Variants in CEP104 observed in about 807,000 individuals in gnomAD.
The protein encoded by CEP104 is centrosomal protein 104, also known as centrosomal protein of 104 kDa.
CEP104 carries 84 observed loss-of-function variants against 113.3 expected under a neutral mutation model. The ratio of observed to expected loss-of-function variants is 0.74; its 90% CI spans 0.62 to 0.89. The LOEUF is 0.89. Among genes scored for constraint, CEP104 ranks in the 40% least tolerant of loss-of-function variants. The pLI is 0.00. For synonymous variants in CEP104, 378 were observed against 421.7 expected (o/e 0.90, Z 1.27); for missense variants, 1,053 against 1,156.6 (o/e 0.91, Z 1.30).
chr1:3,819,336 G>A lies in CEP104; in HGVS notation c.2572-2966C>T, dbSNP rs760149232. Among the ~76,000 whole-genome samples, 6 of 152,230 alleles carry A rather than the reference G, an allele frequency of 3.9e-5. No individual in the cohort carries two copies. The highest frequency in any genetic ancestry group is 1.4e-4 in the African/African-American group (6 of 41,550). ...AGAGGGGGCTGGGGAGAAAAGGGGC[G>A]GCATGTAGGCAGTGTTGTCTTTTGG... On this transcript the variant is annotated intron_variant, in intron 20 of 21. Coordinates refer to ENST00000378230, the MANE Select transcript of CEP104 (RefSeq NM_014704.4). The surrounding 1 kb of genome is among the most constrained non-coding windows in gnomAD (Gnocchi z 4.6).
At chr1:3,834,155 A>G in intron 11 of CEP104, 120 bp from the exon 12 acceptor site, 1 of 817,904 alleles carries the variant, frequency 1.2e-6, no homozygotes, top group South Asian at 1.7e-5. Flanking sequence ...TCTCGTCTGA[A>G]AGGCTGAAAA....
chr1:3,826,267 G>C lies in CEP104; in HGVS notation c.2255+103C>G. The stretch of plus-strand genomic sequence containing the variant: ...AGGCACATTTCCTACCTTTTATGAT[G>C]ACTACGAAGGGCCAACTAGGGAGGA... On this transcript the variant is annotated intron_variant, in intron 17 of 21. Transcript: ENST00000378230. 3 of 938,042 alleles carry C rather than the reference G, an allele frequency of 3.2e-6. No homozygotes were observed. The Admixed American group carries it at 5.8e-5, about 18-fold the overall frequency. 58.1% of individuals were successfully genotyped at this position (938,042 alleles called of 1,614,324 possible).
At chr1:3,826,795 A>C in intron 15 of CEP104, 51 bp from the exon 16 acceptor site, 1 of 1,526,220 alleles carries the variant, frequency 6.6e-7, no homozygotes. Flanking sequence ...AGTGTGAGTG[A>C]GTGAGAGCCT....
intron 18 of CEP104, among the ~76,000 whole-genome samples, chr1:3,824,821 G>T (rs117989865): frequency 0.024 from 3,109 of 128,858 alleles, 59 homozygotes; most frequent in East Asian, 0.11. Context: ...GCAGTGGCAC[G>T]GTGGGAAGGG....
chr1:3,851,650 C>T (rs1644613121), intron 2 of CEP104, among the ~76,000 whole-genome samples: 1 of 152,114 alleles, frequency 6.6e-6, no homozygotes, highest in South Asian at 2.1e-4. Flanking sequence ...GCAAAACACT[C>T]ATCTAATGAA....
chr1:3,843,108 C>T (rs1043618329), intron 6 of CEP104: 1 of 619,142 alleles, frequency 1.6e-6, no homozygotes, highest in Admixed American at 2.9e-5. Flanking sequence ...TTCAATTCCT[C>T]TTTTTTTCTC....
In CEP104 at chr1:3,823,174, C is replaced by T. The variant is rs947035759; in HGVS notation, c.2571G>A (p.Glu857=). Residue 857 remains glutamate (E), a splice_region_variant and synonymous_variant, in exon 20 of 22, where the codon GAG becomes GAA. Transcript: ENST00000378230. The surrounding 1 kb of genome is among the most constrained non-coding windows in gnomAD (Gnocchi z 4.1). ...GGTCCCTTCTCCCCAGGCCCCTCACCTCTTCTCCAGGGCTGAAGTTCTCAT... is the reference window on the plus strand; with the variant it reads ...GGTCCCTTCTCCCCAGGCCCCTCACTTCTTCTCCAGGGCTGAAGTTCTCAT... The part of the protein sequence containing the change: ...LCHENFSPGE[E]AWKAHLMGPA... 5 of 1,614,118 alleles carry T rather than the reference C, an allele frequency of 3.1e-6. No homozygotes were observed. Among genetic ancestry groups the T allele is most frequent in the Non-Finnish European group, 4.2e-6 (5 of 1,180,010 alleles).
At position 3,839,690 on chromosome 1, in the gene CEP104, T is replaced by C; in HGVS notation, c.653A>G (p.Asp218Gly). 6.2e-7 allele frequency: 1 copy of C among 1,614,170 alleles called. No individual in the cohort carries two copies. The highest frequency in any genetic ancestry group is 8.5e-7 in the Non-Finnish European group (1 of 1,180,008). ...TTGGACAGCTTCCCGTTTTCTTTCA[T>C]CTAATTTTCGTATGATCTGTGCAAC... Reference protein sequence around the residue: ...PEVAQIIRKLDERKREAVQKE... With the variant: ...PEVAQIIRKLGERKREAVQKE... Residue 218 changes from aspartate to glycine, a missense_variant, in exon 7 of 22, where the codon GAT becomes GGT. Asp to Gly is a moderately conservative substitution (Grantham distance 94). Coordinates refer to ENST00000378230, the MANE Select transcript of CEP104 (RefSeq NM_014704.4).
intron 4 of CEP104, 21 bp downstream of exon 4, chr1:3,847,454 G>A: frequency 6.4e-7 from 1 of 1,555,634 alleles, no homozygotes; most frequent in Non-Finnish European, 8.7e-7. Context: ...AGAATCAAAG[G>A]CGAAGCTGCA....
intron 6 of CEP104, among the ~76,000 whole-genome samples, chr1:3,842,401 C>T (rs1294781827): frequency 6.6e-6 from 1 of 152,132 alleles, no homozygotes; most frequent in Non-Finnish European, 1.5e-5. Flanking sequence ...TTTTTATAGA[C>T]ATTACATGAA....
chr1:3,850,937 C>T (rs369081934), intron 2 of CEP104, among the ~76,000 whole-genome samples: 21 of 152,340 alleles, frequency 1.4e-4, no homozygotes, highest in South Asian at 6.2e-4. Flanking sequence ...CCAAATAACA[C>T]GGAACATGTG....
At chr1:3,850,011 G>A (rs1323624280) in intron 2 of CEP104, among the ~76,000 whole-genome samples, 4 of 152,200 alleles carry the variant, frequency 2.6e-5, no homozygotes, top group East Asian at 3.8e-4. Context: ...ACTTGCTACC[G>A]TGTTCAGCAC....
chr1:3,843,376 ATTTT>A (rs34104489), intron 6 of CEP104: 208 of 341,824 alleles, frequency 6.1e-4, no homozygotes, highest in Middle Eastern at 1.7e-3. Flanking sequence ...AATATGTATA[ATTTT>A]TTTTTTTTTT....
Position 3,839,655 on chromosome 1 carries a change from A to G in CEP104, c.688T>C (p.Tyr230His), listed in dbSNP as rs1380381690. The G allele has an allele frequency of 6.2e-7, 1 of 1,614,014 alleles. No homozygotes were observed. Among genetic ancestry groups the G allele is most frequent in the Non-Finnish European group, 8.5e-7 (1 of 1,179,958 alleles). The change falls in exon 7 of 22, where the codon TAT (tyrosine) becomes CAT (histidine). Residue 230 changes from tyrosine (Y) to histidine (H), a missense_variant. Coordinates refer to ENST00000378230, the MANE Select transcript of CEP104 (RefSeq NM_014704.4). ...TGTTTTAGTTTCTTGGCATAATCAT[A>G]GCGTTCCTTTTGGACAGCTTCCCGT... ...RKREAVQKER[Y>H]DYAKKLKQAI...
chr1:3,829,436 C>A, intron 14 of CEP104, 63 bp from the exon 15 acceptor site: 1 of 1,068,036 alleles, frequency 9.4e-7, no homozygotes, highest in Non-Finnish European at 1.4e-6. Flanking sequence ...AACTGGGAGA[C>A]AAATTATGGC....
chr1:3,837,454 C>A lies in CEP104; in HGVS notation c.957G>T (p.Lys319Asn). Residue 319 changes from lysine to asparagine, a missense_variant, in exon 9 of 22, where the codon AAG becomes AAT. By Grantham distance (94) the Lys-to-Asn change is moderately conservative. Coordinates refer to ENST00000378230, the MANE Select transcript of CEP104 (RefSeq NM_014704.4). ...LARSGSPCHQ[K>N]PMPSLPQLEE... ...CCAGTTGTGGTAGTGAGGGCATTGG[C>A]TTTTGGTGGCAAGGACTGCCAGAAC... The A allele has an allele frequency of 6.2e-7, 1 of 1,614,178 alleles. No homozygotes were observed. Among genetic ancestry groups the A allele is most frequent in the South Asian group, 1.1e-5 (1 of 91,084 alleles).
At chr1:3,855,152 G>A (rs1391647402) in intron 1 of CEP104, among the ~76,000 whole-genome samples, 1 of 149,096 alleles carries the variant, frequency 6.7e-6, no homozygotes, top group African/African-American at 2.5e-5. Context: ...GATTACAGGC[G>A]TGGCCAATAA....
chr1:3,830,548 C>A (rs1165552225), intron 13 of CEP104, among the ~76,000 whole-genome samples: 1 of 151,764 alleles, frequency 6.6e-6, no homozygotes, highest in African/African-American at 2.4e-5. Context: ...CTGAGGCGGG[C>A]GGATCACGAG....
rs753613705 is a variant in CEP104 at position 3,829,867 on chromosome 1, C to A, written c.1967G>T (p.Arg656Leu). ...EYLPPDDSNT[R>L]RNILYKTIFE... ...AATTGTTTTGTAGAGAATGTTCCTGCGTGTGTTGCTGTCGTCTGGAGGAAG... is the reference window on the plus strand; with the variant it reads ...AATTGTTTTGTAGAGAATGTTCCTGAGTGTGTTGCTGTCGTCTGGAGGAAG... The change falls in exon 14 of 22, where the codon CGC becomes CTC. Residue 656 changes from arginine to leucine, a missense_variant. Coordinates refer to ENST00000378230, the MANE Select transcript of CEP104 (RefSeq NM_014704.4). The A allele has an allele frequency of 1.9e-6, 3 of 1,614,132 alleles. No homozygotes were observed. The highest frequency in any genetic ancestry group is 1.3e-5 in the African/African-American group (1 of 75,028).
Sources: allele counts gnomAD v4.1 joint callset (sites outside exome capture counted in the v4.1 genomes callset), GRCh38; gene constraint gnomAD v4.1.1; non-coding constraint Gnocchi (gnomAD v3.1); transcripts MANE v1.5; gene names NCBI Gene and HGNC (gene_info 2026-07-23, HGNC 2026-07-21).